LPGAT1: variants seen among roughly 807,000 people sequenced by gnomAD.
LPGAT1 encodes acyl-CoA:lysophosphatidylglycerol acyltransferase 1.
In LPGAT1, 11 loss-of-function variants were observed where a neutral mutation model predicts 47.5. The observed-to-expected ratio is 0.23, with a 90% CI of 0.15 to 0.38. LPGAT1 has a LOEUF of 0.38. Among genes scored for constraint, LPGAT1 ranks in the 10% least tolerant of loss-of-function variants. The pLI, the probability that LPGAT1 is intolerant of heterozygous loss-of-function variation, is 1.00. For missense variants in LPGAT1, 293 were observed against 439.0 expected (o/e 0.67, Z 2.97); for synonymous variants, 138 against 144.2 (o/e 0.96, Z 0.31).
chr1:211,796,406 A>T (rs1440626097), intron 2 of LPGAT1, among the ~76,000 whole-genome samples: 6 of 152,178 alleles, frequency 3.9e-5, no homozygotes, highest in Admixed American at 6.5e-5. Context: ...GTGATGACAG[A>T]GGCAGAGATT....
intron 2 of LPGAT1, among the ~76,000 whole-genome samples, chr1:211,821,356 C>G (rs1660364838): frequency 6.6e-6 from 1 of 152,174 alleles, no homozygotes; most frequent in South Asian, 2.1e-4. Flanking sequence ...TGAGAAACTA[C>G]TAGAGGATAA....
chr1:211,817,470 C>G (rs1181343676), intron 2 of LPGAT1, among the ~76,000 whole-genome samples: 2 of 151,716 alleles, frequency 1.3e-5, no homozygotes, highest in African/African-American at 2.4e-5. Context: ...ACTCAGGAGG[C>G]TGAGGCAGGA....
intron 2 of LPGAT1, among the ~76,000 whole-genome samples, chr1:211,808,078 A>ACTCTCAGCTGGGCGCAGCAG (rs373835304): frequency 6.6e-6 from 1 of 151,974 alleles, no homozygotes; most frequent in South Asian, 2.1e-4. Context: ...TATATAGAAA[A>ACTCTCAGCTGGGCGCAGCAG]CTCACGCCTG....
chr1:211,826,664 AAG>A (rs920788471), intron 2 of LPGAT1, among the ~76,000 whole-genome samples: 12 of 42,328 alleles, frequency 2.8e-4, no homozygotes, highest in Non-Finnish European at 1.0e-4. Context: ...AATTTGGAAA[AAG>A]ATATATATAT....
At chr1:211,817,076 T>C (rs1185138791) in intron 2 of LPGAT1, among the ~76,000 whole-genome samples, 1 of 152,226 alleles carries the variant, frequency 6.6e-6, no homozygotes, top group Admixed American at 6.5e-5. Context: ...TTATTCCAAA[T>C]GACATCCTAG....
chr1:211,817,262 G>A (rs1442927576), intron 2 of LPGAT1, among the ~76,000 whole-genome samples: 3 of 152,206 alleles, frequency 2.0e-5, no homozygotes, highest in East Asian at 1.9e-4. Context: ...AGTTCATAAC[G>A]AACTCAACTA....
chr1:211,767,636 G>A (rs970336777), intron 6 of LPGAT1, among the ~76,000 whole-genome samples: 2 of 152,030 alleles, frequency 1.3e-5, no homozygotes, highest in African/African-American at 4.8e-5. Flanking sequence ...ACTTCTCTAG[G>A]GAAGAGCAGG....
At chr1:211,778,772 G>T (rs1658517596) in intron 6 of LPGAT1, 146 bp downstream of exon 6, 2 of 572,552 alleles carry the variant, frequency 3.5e-6, no homozygotes, top group Non-Finnish European at 5.6e-6. Context: ...TACTTCAAAT[G>T]ATATTTTAAT....
intron 6 of LPGAT1, among the ~76,000 whole-genome samples, chr1:211,771,066 C>T (rs920205838): frequency 6.8e-6 from 1 of 146,376 alleles, no homozygotes; most frequent in Admixed American, 6.9e-5. Flanking sequence ...CACTGCACTC[C>T]AGCCTGAGCA....
intron 6 of LPGAT1, among the ~76,000 whole-genome samples, chr1:211,769,148 G>C (rs542278322): frequency 6.6e-6 from 1 of 152,292 alleles, no homozygotes; most frequent in East Asian, 1.9e-4. Context: ...GCGGACAAAG[G>C]TAAAAATAGG....
chr1:211,749,899 C>T lies in LPGAT1; in HGVS notation c.1113G>A (p.Ter371=), dbSNP rs1469226808. Reference sequence around the variant, plus strand: ...GACCTTGACAAGTCCACGTCAATTCCTAAAACAGGCAATGGTAAAAATACT... The same window carrying T: ...GACCTTGACAAGTCCACGTCAATTCTTAAAACAGGCAATGGTAAAAATACT... The part of the protein sequence containing the change: ...IIQYFYHCLF[*] Residue 371 remains the stop codon, a stop_retained_variant, in exon 8 of 8, where the codon TAG becomes TAA. Coordinates refer to ENST00000366997, the MANE Select transcript of LPGAT1 (RefSeq NM_014873.3). 2 of 1,613,660 alleles carry T rather than the reference C, an allele frequency of 1.2e-6. No individual in the cohort carries two copies. Among genetic ancestry groups the T allele is most frequent in the Non-Finnish European group, 1.7e-6 (2 of 1,179,898 alleles).
Position 211,829,293 on chromosome 1 carries a change from C to T in LPGAT1, c.4G>A (p.Ala2Thr). Reference sequence around the variant, plus strand: ...CACGGAGCTTCTTCCAAAGTTATAGCCATTCTCACACTGGACTCCGTCCTG... The same window carrying T: ...CACGGAGCTTCTTCCAAAGTTATAGTCATTCTCACACTGGACTCCGTCCTG... Reference protein sequence around the residue: MAITLEEAPWLG... With the variant: MTITLEEAPWLG... Residue 2 changes from alanine to threonine, a missense_variant, in exon 2 of 8, where the codon GCT (alanine) becomes ACT (threonine). Transcript: ENST00000366997. The T allele has an allele frequency of 6.2e-7, 1 of 1,614,136 alleles. No individual in the cohort carries two copies. The highest frequency in any genetic ancestry group is 8.5e-7 in the Non-Finnish European group (1 of 1,180,022).
chr1:211,797,990 T>C (rs1463257397), intron 2 of LPGAT1, among the ~76,000 whole-genome samples: 1 of 152,120 alleles, frequency 6.6e-6, no homozygotes, highest in Non-Finnish European at 1.5e-5. Flanking sequence ...TTCTAACATG[T>C]ATATCAATAT....
intron 6 of LPGAT1, among the ~76,000 whole-genome samples, chr1:211,755,211 G>A (rs143951999): frequency 0.022 from 3,358 of 151,830 alleles, 124 homozygotes; most frequent in African/African-American, 0.076. Flanking sequence ...GGCAGCATGC[G>A]CCTGTAGTCC....
In LPGAT1 at chr1:211,783,357, T is replaced by C. The variant is rs1265171575; in HGVS notation, c.599A>G (p.Lys200Arg). The C allele has an allele frequency of 6.2e-7, 1 of 1,614,214 alleles. No homozygotes were observed. The highest frequency in any genetic ancestry group is 8.5e-7 in the Non-Finnish European group (1 of 1,180,034). Reference sequence around the variant, plus strand: ...TGTAAGAAATGGCAAGTTATTTTTCTTGGCAAATGCCTGACTTGTTTCTCG... The same window carrying C: ...TGTAAGAAATGGCAAGTTATTTTTCCTGGCAAATGCCTGACTTGTTTCTCG... The part of the protein sequence containing the change: ...KRRETSQAFA[K>R]KNNLPFLTNV... Residue 200 changes from lysine to arginine, a missense_variant, in exon 5 of 8, where the codon AAG becomes AGG. By Grantham distance (26) the Lys-to-Arg change is conservative. Coordinates refer to ENST00000366997, the MANE Select transcript of LPGAT1 (RefSeq NM_014873.3).
rs901414822 is a variant in LPGAT1, at chr1:211,791,600, T to C, written c.357+1472A>G. ...CCGTCTCTACTAAAAATACAAAAAT[T>C]AGCCAGGCATGGTACCCGTGCCCAT... is the stretch of plus-strand genomic sequence containing the variant. On this transcript the variant is annotated intron_variant, in intron 3 of 7. Coordinates refer to ENST00000366997, the MANE Select transcript of LPGAT1 (RefSeq NM_014873.3). 4.6e-5 allele frequency among the ~76,000 whole-genome samples: 7 copies of C among 151,968 alleles called. 1 individual carries two copies. In the South Asian group the frequency reaches 1.5e-3, roughly 32 times the overall value.
chr1:211,788,451 G>A (rs947551066), intron 3 of LPGAT1, among the ~76,000 whole-genome samples: 4 of 152,132 alleles, frequency 2.6e-5, no homozygotes. Flanking sequence ...AGGAGGCAGA[G>A]GCAGGTGGAT....
rs1657155237 is a variant in LPGAT1, at chr1:211,751,023, G to C, written c.899C>G (p.Thr300Ser). The C allele has an allele frequency of 4.3e-6, 7 of 1,613,738 alleles. No individual in the cohort carries two copies. The highest frequency in any genetic ancestry group is 4.0e-5 in the African/African-American group (3 of 74,910). ...AACAAACCGCTGATAGAGCCAAGTG[G>C]TAAGGTCATCAGTCTCCAGGGGTAC... Reference protein sequence around the residue: ...KDVPLETDDLTTWLYQRFVEK... With the variant: ...KDVPLETDDLSTWLYQRFVEK... Residue 300 changes from threonine to serine, a missense_variant, in exon 7 of 8, where the codon ACC (threonine) becomes AGC (serine). Transcript: ENST00000366997.
At chr1:211,827,809 A>G (rs1660583936) in intron 2 of LPGAT1, among the ~76,000 whole-genome samples, 1 of 152,188 alleles carries the variant, frequency 6.6e-6, no homozygotes, top group Non-Finnish European at 1.5e-5. Context: ...TCTCAACAAG[A>G]CAGATGACAA....
Sources: gnomAD v4.1 joint callset for allele counts (sites outside exome capture counted in the v4.1 genomes callset) on GRCh38, gnomAD v4.1.1 for gene constraint, MANE v1.5 for transcripts, NCBI Gene and HGNC (gene_info 2026-07-23, HGNC 2026-07-21) for gene names.